The following AAK1 variants were observed in gnomAD, a reference collection of about 807,000 sequenced individuals.
The protein encoded by AAK1 is AP2-associated protein kinase 1.
A neutral mutation model predicts 116.0 loss-of-function variants in AAK1; 37 were observed. The ratio of observed to expected loss-of-function variants is 0.32; its 90% confidence interval spans 0.25 to 0.42. The LOEUF is 0.42. Ranked by LOEUF, AAK1 falls within the 10% of genes least tolerant of loss-of-function variation. AAK1 has a pLI of 1.00. For missense variants in AAK1, 919 were observed against 1,170.6 expected (o/e 0.79, Z 3.14); for synonymous variants, 458 against 439.9 (o/e 1.04, Z -0.51).
chr2:69,600,018 G>A (rs1319110537), intron 2 of AAK1, among the ~76,000 whole-genome samples: 1 of 151,052 alleles, frequency 6.6e-6, no homozygotes, highest in Non-Finnish European at 1.5e-5. Context: ...CTGGGCTCAA[G>A]GGATCCTCCT....
In AAK1 at chr2:69,460,073, A is replaced by C. The variant is rs1283489159; in HGVS notation, c.*15796T>G. 1 of 152,238 alleles carries C rather than the reference A, an allele frequency of 6.6e-6. No homozygotes were observed. Among genetic ancestry groups the C allele is most frequent in the African/African-American group, 2.4e-5 (1 of 41,456 alleles). 9.4% of individuals were successfully genotyped at this position (152,238 alleles called of 1,614,324 possible). A position where few individuals can be genotyped will look rare whatever the true frequency, so the allele number is the denominator to read the frequency against. On this transcript the variant is annotated 3_prime_UTR_variant, in exon 22 of 22. Transcript: ENST00000409085. ...CCTCAGAAGCTACAGTCTTTTCTGCAGCTCTCTTATGTACCTCTCATCAAA... is the reference window on the plus strand; with the variant it reads ...CCTCAGAAGCTACAGTCTTTTCTGCCGCTCTCTTATGTACCTCTCATCAAA...
intron 2 of AAK1, among the ~76,000 whole-genome samples, chr2:69,559,582 G>T (rs940136160): frequency 6.6e-6 from 1 of 152,112 alleles, no homozygotes; most frequent in African/African-American, 2.4e-5. Context: ...AAAAAATCAC[G>T]GAACTACAGA....
At position 69,595,838 on chromosome 2, in the gene AAK1, C is replaced by T. The variant is rs554130082; in HGVS notation, c.164-38860G>A. On this transcript the variant is annotated intron_variant, in intron 2 of 21. Transcript: ENST00000409085. The stretch of plus-strand genomic sequence containing the variant: ...GAGAGGAGAAGTCAGTGCCTGGCTT[C>T]AAACCTGTGAAGGTCAGGCTGATGC... 2.6e-5 allele frequency among the ~76,000 whole-genome samples: 4 copies of T among 152,348 alleles called. 1 individual carries two copies. Among genetic ancestry groups the T allele is most frequent in the Admixed American group, 2.0e-4 (3 of 15,302 alleles).
chr2:69,571,272 G>C (rs772117198), intron 2 of AAK1, among the ~76,000 whole-genome samples: 1 of 152,284 alleles, frequency 6.6e-6, no homozygotes, highest in African/African-American at 2.4e-5. Flanking sequence ...TTGAGAATCC[G>C]AAGTGATGAC....
chr2:69,565,870 G>A (rs1248140988), intron 2 of AAK1, among the ~76,000 whole-genome samples: 1 of 152,056 alleles, frequency 6.6e-6, no homozygotes, highest in Non-Finnish European at 1.5e-5. Flanking sequence ...GTGAGAGCTT[G>A]CGTACACTAT....
chr2:69,500,698 T>TATATGTATATATATACAC, intron 16 of AAK1, among the ~76,000 whole-genome samples: 4 of 65,100 alleles, frequency 6.1e-5, no homozygotes, highest in African/African-American at 3.2e-4. Context: ...TATATATATA[T>TATATGTATATATATACAC]ACACACACAC....
chr2:69,586,701 T>A (rs1240685023), intron 2 of AAK1, among the ~76,000 whole-genome samples: 1 of 152,178 alleles, frequency 6.6e-6, no homozygotes, highest in Non-Finnish European at 1.5e-5. Flanking sequence ...TTGGAAAGAT[T>A]ATCCCTAGGG....
intron 2 of AAK1, among the ~76,000 whole-genome samples, chr2:69,564,821 C>T (rs144597397): frequency 1.3e-5 from 2 of 152,200 alleles, no homozygotes; most frequent in African/African-American, 4.8e-5. Context: ...CAGGACTGTG[C>T]ACCAACTCAC....
chr2:69,601,275 T>C (rs1377567559), intron 2 of AAK1, among the ~76,000 whole-genome samples: 1 of 152,240 alleles, frequency 6.6e-6, no homozygotes, highest in Non-Finnish European at 1.5e-5. Context: ...TACTAAAAAC[T>C]ACTTGTGTGA....
At chr2:69,548,009 A>G (rs973960723) in intron 3 of AAK1, among the ~76,000 whole-genome samples, 1 of 152,234 alleles carries the variant, frequency 6.6e-6, no homozygotes, top group African/African-American at 2.4e-5. Flanking sequence ...CAAGAGGTCA[A>G]ATATTGTATG....
At chr2:69,632,141 C>G (rs1484836702) in intron 2 of AAK1, among the ~76,000 whole-genome samples, 1 of 152,012 alleles carries the variant, frequency 6.6e-6, no homozygotes, top group East Asian at 1.9e-4. Context: ...GGCTTTTTTG[C>G]TTTGGGTATA....
At chr2:69,500,696 T>TATATATATATATATATATAC (rs1553410395) in intron 16 of AAK1, among the ~76,000 whole-genome samples, 2 of 99,394 alleles carry the variant, frequency 2.0e-5, no homozygotes, top group Non-Finnish European at 3.8e-5. Flanking sequence ...TATATATATA[T>TATATATATATATATATATAC]ATACACACAC....
intron 2 of AAK1, among the ~76,000 whole-genome samples, chr2:69,592,407 C>T (rs1444638177): frequency 6.6e-6 from 1 of 152,110 alleles, no homozygotes; most frequent in East Asian, 1.9e-4. Flanking sequence ...TGCCAACATC[C>T]TAATAATGCA....
chr2:69,534,541 C>T (rs1670385105), intron 5 of AAK1, among the ~76,000 whole-genome samples: 1 of 152,266 alleles, frequency 6.6e-6, no homozygotes, highest in African/African-American at 2.4e-5. Context: ...GCATTCCATA[C>T]ACAACCTAAT....
intron 12 of AAK1, among the ~76,000 whole-genome samples, chr2:69,518,418 T>C (rs1446310516): frequency 8.3e-4 from 118 of 141,480 alleles, no homozygotes; most frequent in Middle Eastern, 3.6e-3. Context: ...ATAGTTTTTT[T>C]TTTTTTTTTT....
intron 2 of AAK1, among the ~76,000 whole-genome samples, chr2:69,639,321 T>A (rs952366404): frequency 6.6e-6 from 1 of 152,222 alleles, no homozygotes; most frequent in Non-Finnish European, 1.5e-5. Context: ...AATTTTCCCA[T>A]TGAGCTCATT....
intron 16 of AAK1, among the ~76,000 whole-genome samples, chr2:69,501,607 C>G (rs1297727633): frequency 6.6e-6 from 1 of 152,132 alleles, no homozygotes; most frequent in Non-Finnish European, 1.5e-5. Context: ...AGCCCAAGTA[C>G]TTTATTTTTT....
At chr2:69,569,912 A>G (rs1368286258) in intron 2 of AAK1, among the ~76,000 whole-genome samples, 1 of 152,122 alleles carries the variant, frequency 6.6e-6, no homozygotes, top group African/African-American at 2.4e-5. Flanking sequence ...TGGGGCTGTT[A>G]TAAAGAAAGC....
intron 13 of AAK1, 60 bp from the exon 14 acceptor site, chr2:69,509,520 A>G (rs914392088): frequency 2.2e-5 from 31 of 1,409,188 alleles, no homozygotes; most frequent in African/African-American, 7.3e-5. Flanking sequence ...TAAAGGAAAA[A>G]CAAACAGATA....
Sources: allele counts gnomAD v4.1 joint callset (sites outside exome capture counted in the v4.1 genomes callset), GRCh38; gene constraint gnomAD v4.1.1; transcripts MANE v1.5; gene names NCBI Gene and HGNC (gene_info 2026-07-23, HGNC 2026-07-21).